The following POLR3G variants were observed in gnomAD, a reference collection of about 807,000 sequenced individuals.
POLR3G encodes the protein DNA-directed RNA polymerase III subunit RPC7.
A neutral mutation model predicts 30.1 loss-of-function variants in POLR3G; 28 were observed. That is an observed-to-expected ratio of 0.93 (90% CI 0.69 to 1.27). The LOEUF (loss-of-function observed/expected upper bound fraction) is 1.27. Among genes scored for constraint, POLR3G ranks in the 50% most tolerant of loss-of-function variants. POLR3G has a pLI of 0.00. For synonymous variants in POLR3G, 79 were observed against 82.5 expected, an observed-to-expected ratio of 0.96 and a Z score of 0.23; for missense variants, 254 against 264.6, an observed-to-expected ratio of 0.96 and a Z score of 0.28.
chr5:90,492,609 G>A (rs768932935), intron 3 of POLR3G, among the ~76,000 whole-genome samples: 6 of 152,048 alleles, frequency 3.9e-5, no homozygotes, highest in Non-Finnish European at 8.8e-5. Flanking sequence ...TCAGCCGGGC[G>A]CAGTGGCTCA....
chr5:90,486,929 G>A (rs183410500), intron 2 of POLR3G, among the ~76,000 whole-genome samples: 49 of 152,286 alleles, frequency 3.2e-4, no homozygotes, highest in African/African-American at 1.2e-3. Flanking sequence ...CAGCATGAAT[G>A]TATACATTCC....
chr5:90,512,192 C>A lies in POLR3G; in HGVS notation c.*53C>A. On this transcript the variant is annotated 3_prime_UTR_variant, in exon 8 of 8. Coordinates refer to ENST00000651687, the MANE Select transcript of POLR3G (RefSeq NM_006467.3). ...ATGATGCAGCTTCTGAACATTTGGA[C>A]AGACTTGATTTGTATTTTATTTCTG... is the stretch of plus-strand genomic sequence containing the variant. 1 of 1,099,528 alleles carries A rather than the reference C, an allele frequency of 9.1e-7. No homozygotes were observed. Among genetic ancestry groups the A allele is most frequent in the Non-Finnish European group, 1.4e-6 (1 of 716,706 alleles). The allele number at this position is 1,099,528 out of a possible 1,614,324, so 68.1% of individuals were successfully genotyped here.
chr5:90,484,983 T>G (rs1212909995), intron 1 of POLR3G, among the ~76,000 whole-genome samples: 1 of 152,208 alleles, frequency 6.6e-6, no homozygotes, highest in African/African-American at 2.4e-5. Flanking sequence ...ATCATAACTT[T>G]AATGATTTTA....
intron 5 of POLR3G, among the ~76,000 whole-genome samples, chr5:90,501,387 C>A (rs60003351): frequency 6.6e-6 from 1 of 152,126 alleles, no homozygotes; most frequent in Non-Finnish European, 1.5e-5. Flanking sequence ...AATACATGTG[C>A]ATGAATGATA....
chr5:90,502,801 C>CTTTTT lies in POLR3G; in HGVS notation c.438+815_438+816insTTTTT, dbSNP rs34374200. Among the ~76,000 whole-genome samples, 10 of 142,270 alleles carry CTTTTT rather than the reference C, an allele frequency of 7.0e-5. 1 individual carries two copies. The highest frequency in any genetic ancestry group is 4.6e-5 in the Non-Finnish European group (3 of 65,576). The allele number at this position is 142,270 out of a possible 152,430, so 93.3% of individuals were successfully genotyped here. A position where few individuals can be genotyped will look rare whatever the true frequency, so the allele number is the denominator to read the frequency against. ...TAAGTCTGTGTAGAGTTACCTCATC[C>CTTTTT]TTCTTTTTTTTTTTTTGGCTGCACT... On this transcript the variant is annotated intron_variant, in intron 6 of 7. Coordinates refer to ENST00000651687, the MANE Select transcript of POLR3G (RefSeq NM_006467.3).
At chr5:90,497,551 TTA>T in intron 4 of POLR3G, 103 bp from the exon 5 acceptor site, 11 of 1,351,580 alleles carry the variant, frequency 8.1e-6, no homozygotes, top group Non-Finnish European at 1.1e-5. Flanking sequence ...CTAAGGCACT[TTA>T]TTGTCATTTT....
Position 90,513,063 on chromosome 5 carries a change from T to G in POLR3G, c.*924T>G, listed in dbSNP as rs1186824478. 6.8e-6 allele frequency: 1 copy of G among 146,972 alleles called. No homozygotes were observed. Among genetic ancestry groups the G allele is most frequent in the African/African-American group, 2.4e-5 (1 of 41,102 alleles). The allele number at this position is 146,972 out of a possible 1,614,324, so 9.1% of individuals were successfully genotyped here. ...AAATGAACTCAGGTCATTTTGAAAT[T>G]AATATTAATATTTTTGTTGTTTAAC... On this transcript the variant is annotated 3_prime_UTR_variant, in exon 8 of 8. Coordinates refer to ENST00000651687, the MANE Select transcript of POLR3G (RefSeq NM_006467.3).
At chr5:90,496,477 C>T (rs1444601743) in intron 4 of POLR3G, among the ~76,000 whole-genome samples, 1 of 152,196 alleles carries the variant, frequency 6.6e-6, no homozygotes. Context: ...TTCTTTTAAG[C>T]AGACATAGAC....
chr5:90,493,787 A>G (rs1257772784), intron 3 of POLR3G, among the ~76,000 whole-genome samples: 1 of 135,270 alleles, frequency 7.4e-6, no homozygotes, highest in Non-Finnish European at 1.5e-5. Context: ...AGTTCACTGC[A>G]ACCTCCACCT....
chr5:90,476,913 A>G (rs533232383), intron 1 of POLR3G, among the ~76,000 whole-genome samples: 1 of 152,264 alleles, frequency 6.6e-6, no homozygotes, highest in East Asian at 1.9e-4. Flanking sequence ...GACATTTCCT[A>G]TAAAATATAT....
rs1262819217 is a variant in POLR3G at position 90,514,008 on chromosome 5, A to C, written c.*1869A>C. The C allele has an allele frequency of 2.0e-5, 3 of 152,308 alleles. No individual in the cohort carries two copies. Among genetic ancestry groups the C allele is most frequent in the South Asian group, 4.1e-4 (2 of 4,826 alleles). 9.4% of individuals were successfully genotyped at this position (152,308 alleles called of 1,614,324 possible). A position where few individuals can be genotyped will look rare whatever the true frequency, so the allele number is the denominator to read the frequency against. ...GGCAAATACACTGAAGATAAAGGTT[A>C]TTTCTTTTTTTAGCTTTGAATTTGT... is the stretch of plus-strand genomic sequence containing the variant. On this transcript the variant is annotated 3_prime_UTR_variant, in exon 8 of 8. Coordinates refer to ENST00000651687, the MANE Select transcript of POLR3G (RefSeq NM_006467.3).
At chr5:90,477,346 A>C (rs920823359) in intron 1 of POLR3G, among the ~76,000 whole-genome samples, 1 of 152,238 alleles carries the variant, frequency 6.6e-6, no homozygotes, top group Non-Finnish European at 1.5e-5. Context: ...GGAGAGTCAC[A>C]TGTCAAGATT....
rs562375198 is a variant in POLR3G at position 90,488,212 on chromosome 5, T to C, written c.247+83T>C. On this transcript the variant is annotated intron_variant, in intron 3 of 7. Coordinates refer to ENST00000651687, the MANE Select transcript of POLR3G (RefSeq NM_006467.3). Reference sequence around the variant, plus strand: ...AAGCACAAGATATATAATCATTTAATGTTGATTGATTCGATTCAATAAAAA... The same window carrying C: ...AAGCACAAGATATATAATCATTTAACGTTGATTGATTCGATTCAATAAAAA... The C allele has an allele frequency of 1.3e-5, 15 of 1,165,378 alleles. No individual in the cohort carries two copies. In the African/African-American group the frequency reaches 2.4e-4, roughly 18 times the overall value. The allele number at this position is 1,165,378 out of a possible 1,614,324, so 72.2% of individuals were successfully genotyped here. A position where few individuals can be genotyped will look rare whatever the true frequency, so the allele number is the denominator to read the frequency against.
At chr5:90,506,782 A>G (rs1752506359) in intron 7 of POLR3G, 108 bp downstream of exon 7, 4 of 1,383,286 alleles carry the variant, frequency 2.9e-6, no homozygotes, top group Admixed American at 2.7e-5. Context: ...GATGATGGGA[A>G]CCAGAAGTAT....
rs143754423 is a variant in POLR3G at position 90,487,171 on chromosome 5, A to C, written c.118-829A>C. 5.1e-3 allele frequency among the ~76,000 whole-genome samples: 783 copies of C among 152,246 alleles called. 7 individuals carry two copies. Among genetic ancestry groups the C allele is most frequent in the African/African-American group, 0.018 (750 of 41,544 alleles). On this transcript the variant is annotated intron_variant, in intron 2 of 7. Transcript: ENST00000651687. ...CTCAATTTCTTCACTGTAAAAGGAT[A>C]AATATTGGTAGCCCTTTCAATGAGA...
chr5:90,477,176 A>G (rs1750870888), intron 1 of POLR3G, among the ~76,000 whole-genome samples: 1 of 152,224 alleles, frequency 6.6e-6, no homozygotes, highest in Non-Finnish European at 1.5e-5. Context: ...GTAGGGTGGA[A>G]GAAATTGTCA....
chr5:90,483,117 G>A (rs938720166), intron 1 of POLR3G, among the ~76,000 whole-genome samples: 19 of 120,360 alleles, frequency 1.6e-4, no homozygotes, highest in African/African-American at 4.4e-4. Context: ...TCCAGCCTGG[G>A]CAACAAGACC....
chr5:90,475,752 C>A (rs1675021084), intron 1 of POLR3G, among the ~76,000 whole-genome samples: 1 of 152,136 alleles, frequency 6.6e-6, no homozygotes, highest in Non-Finnish European at 1.5e-5. Flanking sequence ...GTCTCTGTTG[C>A]CCAGTCTGGA....
At chr5:90,479,666 GGTT>G (rs1206512841) in intron 1 of POLR3G, among the ~76,000 whole-genome samples, 1 of 152,062 alleles carries the variant, frequency 6.6e-6, no homozygotes, top group African/African-American at 2.4e-5. Flanking sequence ...GGGATGAAGT[GGTT>G]GTTGTGGTTG....
Sources: allele counts gnomAD v4.1 joint callset (sites outside exome capture counted in the v4.1 genomes callset), GRCh38; gene constraint gnomAD v4.1.1; transcripts MANE v1.5; gene names NCBI Gene and HGNC (gene_info 2026-07-23, HGNC 2026-07-21).